EML1: variants seen among roughly 807,000 people sequenced by gnomAD.
EML1 encodes EMAP like 1, also known as echinoderm microtubule-associated protein-like 1.
In EML1, 27 loss-of-function variants were observed where a neutral mutation model predicts 110.4. That is an observed-to-expected ratio of 0.24 (90% CI 0.18 to 0.34). The LOEUF (loss-of-function observed/expected upper bound fraction) is 0.34, where lower values mean the gene tolerates loss of function less well. Ranked by LOEUF, EML1 falls within the 10% of genes least tolerant of loss-of-function variation. The probability of loss-of-function intolerance (pLI) is 1.00; values close to 1 mark genes in which losing one functional copy is unlikely to be tolerated. For missense variants in EML1, 741 were observed against 1,030.9 expected (o/e 0.72, Z 3.85); for synonymous variants, 344 against 385.8 (o/e 0.89, Z 1.27).
chr14:99,908,214 C>T (rs1291883496), intron 10 of EML1, among the ~76,000 whole-genome samples: 3 of 152,346 alleles, frequency 2.0e-5, no homozygotes, highest in East Asian at 1.9e-4. Context: ...GCGGGAGCCC[C>T]GAGCTAAACC....
chr14:99,791,054 G>T (rs1316783691), upstream of EML1, among the ~76,000 whole-genome samples: 1 of 151,870 alleles, frequency 6.6e-6, no homozygotes, highest in Admixed American at 6.6e-5. Context: ...TAGAGACGGG[G>T]TTTCCCATGT....
At chr14:99,755,280 G>A (rs907261075) in intron 1 of EML1, among the ~76,000 whole-genome samples, 22 of 152,216 alleles carry the variant, frequency 1.4e-4, no homozygotes, top group Non-Finnish European at 2.5e-4. Flanking sequence ...AGCCTTGGGG[G>A]CCTGGAGGCC....
At chr14:99,916,526 C>T (rs1297439073) in intron 15 of EML1, among the ~76,000 whole-genome samples, 18 of 152,174 alleles carry the variant, frequency 1.2e-4, no homozygotes. Context: ...ATCCTAAACA[C>T]TCCTGCAAAG....
At chr14:99,787,265 A>G (rs1349539714) in intron 1 of EML1, among the ~76,000 whole-genome samples, 2 of 111,758 alleles carry the variant, frequency 1.8e-5, no homozygotes, top group Admixed American at 1.8e-4. Context: ...TGACTCTGAG[A>G]TTCTTTTTTT....
At chr14:99,848,957 T>C (rs1444166889) in intron 1 of EML1, among the ~76,000 whole-genome samples, 1 of 81,120 alleles carries the variant, frequency 1.2e-5, no homozygotes, top group Non-Finnish European at 2.6e-5. Flanking sequence ...AGTAAGACCC[T>C]GTCAAAAAAA....
chr14:99,866,790 G>A (rs2059110833), intron 3 of EML1, among the ~76,000 whole-genome samples: 1 of 152,100 alleles, frequency 6.6e-6, no homozygotes, highest in Non-Finnish European at 1.5e-5. Flanking sequence ...TCCTAGGAGT[G>A]GGATCATCTA....
exon 1 of EML1, chr14:99,737,837 C>CGGACGG: frequency 7.8e-7 from 1 of 1,289,312 alleles, no homozygotes. Flanking sequence ...CACACCATGT[C>CGGACGG]GGACGGCGAG....
chr14:99,833,917 C>A (rs1191331498), intron 1 of EML1, among the ~76,000 whole-genome samples: 1 of 152,158 alleles, frequency 6.6e-6, no homozygotes, highest in African/African-American at 2.4e-5. Context: ...GTTGGACAGC[C>A]ATGTCATTTG....
intron 9 of EML1, among the ~76,000 whole-genome samples, chr14:99,902,781 C>T (rs2059783281): frequency 6.6e-6 from 1 of 152,228 alleles, no homozygotes. Flanking sequence ...TGGGGGGTCC[C>T]AAGATAACTT....
At chr14:99,874,392 A>G (rs972068446) in intron 3 of EML1, among the ~76,000 whole-genome samples, 1 of 152,254 alleles carries the variant, frequency 6.6e-6, no homozygotes, top group Admixed American at 6.5e-5. Flanking sequence ...ACTAAAAAAT[A>G]TACTGCATTA....
At position 99,920,719 on chromosome 14, in the gene EML1, A is replaced by G. The variant is rs981732901; in HGVS notation, c.1821-70A>G. ...CTTTTATGATTAACAATTTTTATTC[A>G]TCCCACTATTATATAATCTTCATTT... On this transcript the variant is annotated intron_variant, in intron 16 of 21. Coordinates refer to ENST00000262233, the MANE Select transcript of EML1 (RefSeq NM_004434.3). 1.0e-5 allele frequency: 12 copies of G among 1,200,728 alleles called. No homozygotes were observed. In the African/African-American group the frequency reaches 1.9e-4, roughly 19 times the overall value. The allele number at this position is 1,200,728 out of a possible 1,614,324, so 74.4% of individuals were successfully genotyped here.
At chr14:99,938,597 C>T (rs1045427734) in intron 20 of EML1, among the ~76,000 whole-genome samples, 13 of 151,910 alleles carry the variant, frequency 8.6e-5, no homozygotes, top group South Asian at 2.1e-4. Context: ...TGGGCTCACC[C>T]GACAATGGTC....
chr14:99,740,870 G>T (rs2057033954), intron 1 of EML1, among the ~76,000 whole-genome samples: 2 of 152,188 alleles, frequency 1.3e-5, no homozygotes. Context: ...TACACATCCT[G>T]GGTCTGTTGA....
intron 13 of EML1, 70 bp from the exon 14 acceptor site, chr14:99,914,108 GT>G: frequency 6.4e-7 from 1 of 1,559,310 alleles, no homozygotes; most frequent in Non-Finnish European, 8.7e-7. Flanking sequence ...TATGATAAGT[GT>G]TTTGAATGAC....
intron 1 of EML1, among the ~76,000 whole-genome samples, chr14:99,754,768 A>G (rs1285054601): frequency 6.6e-6 from 1 of 152,160 alleles, no homozygotes; most frequent in Non-Finnish European, 1.5e-5. Flanking sequence ...TTCCTCACCT[A>G]TAACGTGGGA....
intron 1 of EML1, among the ~76,000 whole-genome samples, chr14:99,800,606 C>T (rs1736782426): frequency 6.6e-6 from 1 of 152,196 alleles, no homozygotes; most frequent in South Asian, 2.1e-4. Context: ...AGAGATCCTC[C>T]TGCCTTGGCT....
At chr14:99,854,567 G>A (rs2058869523) in intron 2 of EML1, among the ~76,000 whole-genome samples, 1 of 152,100 alleles carries the variant, frequency 6.6e-6, no homozygotes, top group South Asian at 2.1e-4. Flanking sequence ...ATACTGCTCT[G>A]GGTCTTAGGA....
chr14:99,844,247 G>A (rs1458631368), intron 1 of EML1, among the ~76,000 whole-genome samples: 4 of 152,150 alleles, frequency 2.6e-5, no homozygotes, highest in Non-Finnish European at 4.4e-5. Flanking sequence ...TTGGGAGGCC[G>A]AGGCGGGCGG....
chr14:99,794,149 T>C (rs1322325109), intron 1 of EML1, among the ~76,000 whole-genome samples: 2 of 152,226 alleles, frequency 1.3e-5, no homozygotes, highest in Admixed American at 6.5e-5. Flanking sequence ...CTTTTTTCTT[T>C]TTTTGTTTTT....
Sources: gnomAD v4.1 joint callset for allele counts (sites outside exome capture counted in the v4.1 genomes callset) on GRCh38, gnomAD v4.1.1 for gene constraint, MANE v1.5 for transcripts, NCBI Gene and HGNC (gene_info 2026-07-23, HGNC 2026-07-21) for gene names.